The following TRMT44 variants were observed in gnomAD, a reference collection of about 807,000 sequenced individuals.
TRMT44 encodes the protein tRNA methyltransferase 44 homolog.
Under a neutral mutation model 77.3 loss-of-function variants are expected in TRMT44, and 78 were observed. The ratio of observed to expected loss-of-function variants is 1.01; its 90% confidence interval spans 0.84 to 1.22. The LOEUF (loss-of-function observed/expected upper bound fraction) is 1.22, where lower values mean the gene tolerates loss of function less well. TRMT44 is among the 50% of genes most tolerant of loss of function. The pLI is 0.00. For synonymous variants in TRMT44, 391 were observed against 383.3 expected (o/e 1.02, Z -0.23); for missense variants, 1,090 against 964.4 (o/e 1.13, Z -1.73).
intron 10 of TRMT44, among the ~76,000 whole-genome samples, chr4:8,471,453 G>C (rs1222425766): frequency 6.6e-6 from 1 of 152,232 alleles, no homozygotes; most frequent in Non-Finnish European, 1.5e-5. Context: ...CTCCCCCTAT[G>C]CTGTGCTTGC....
In TRMT44 at chr4:8,464,067, C is replaced by T. The variant is rs759164680; in HGVS notation, c.1286C>T (p.Pro429Leu). 2 of 1,613,860 alleles carry T rather than the reference C, an allele frequency of 1.2e-6. No individual in the cohort carries two copies. The highest frequency in any genetic ancestry group is 1.7e-6 in the Non-Finnish European group (2 of 1,179,874). ...GGTAACCATTCTGATGAACTCACAC[C>T]ATGGATACCTGTCATTGCAGCCAGG... ...LIGNHSDELT[P>L]WIPVIAARSS... The change falls in exon 7 of 11, where the codon CCA becomes CTA. Residue 429 changes from proline to leucine, a missense_variant. Coordinates refer to ENST00000389737, the MANE Select transcript of TRMT44 (RefSeq NM_152544.3).
Position 8,441,395 on chromosome 4 carries a change from C to T in TRMT44, c.573C>T (p.Ser191=). ...VVLRTVIPKT[S]PHCPLTTPRR... The stretch of plus-strand genomic sequence containing the variant: ...TCAGAACCGTCATCCCGAAAACTAG[C>T]CCACATTGCCCCCTTACAACTCCCA... The change falls in exon 1 of 11, where the codon AGC becomes AGT. Residue 191 remains serine, a synonymous_variant. Transcript: ENST00000389737. 6.5e-7 allele frequency: 1 copy of T among 1,528,394 alleles called. No individual in the cohort carries two copies. Among genetic ancestry groups the T allele is most frequent in the Non-Finnish European group, 8.8e-7 (1 of 1,141,044 alleles). The allele number at this position is 1,528,394 out of a possible 1,614,324, so 94.7% of individuals were successfully genotyped here.
chr4:8,492,741 C>A (rs1182502446), intron 2 of TRMT44, among the ~76,000 whole-genome samples: 5 of 152,236 alleles, frequency 3.3e-5, no homozygotes, highest in African/African-American at 9.6e-5. Context: ...TGCGTCTCTG[C>A]CTGCCTCCTT....
Position 8,440,839 on chromosome 4 carries a change from G to A in TRMT44, c.17G>A (p.Arg6His). The A allele has an allele frequency of 2.0e-6, 3 of 1,502,378 alleles. No individual in the cohort carries two copies. The highest frequency in any genetic ancestry group is 2.1e-5 in the Admixed American group (1 of 48,334). The allele number at this position is 1,502,378 out of a possible 1,614,324, so 93.1% of individuals were successfully genotyped here. A position where few individuals can be genotyped will look rare whatever the true frequency, so the allele number is the denominator to read the frequency against. MAEVGRTGISYPGALL... is the reference protein window; with the variant it reads MAEVGHTGISYPGALL... ...CTGGCTGCCATGGCTGAGGTGGGCC[G>A]TACCGGGATCAGCTACCCAGGCGCG... is the stretch of plus-strand genomic sequence containing the variant. Residue 6 changes from arginine (R) to histidine (H), a missense_variant, in exon 1 of 11, where the codon CGT becomes CAT. Transcript: ENST00000389737.
At chr4:8,460,879 T>C (rs1160684839) in intron 6 of TRMT44, among the ~76,000 whole-genome samples, 1 of 151,514 alleles carries the variant, frequency 6.6e-6, no homozygotes, top group African/African-American at 2.4e-5. Context: ...AGACAGGGTC[T>C]CAATCTGTTG....
downstream of TRMT44, among the ~76,000 whole-genome samples, chr4:8,493,982 A>G (rs1577071372): frequency 1.4e-5 from 2 of 146,500 alleles, no homozygotes; most frequent in East Asian, 3.9e-4. Context: ...CTTAGGGACC[A>G]TGATGAACAA....
At chr4:8,488,093 G>A (rs546037932) in intron 2 of TRMT44, among the ~76,000 whole-genome samples, 23 of 152,326 alleles carry the variant, frequency 1.5e-4, no homozygotes, top group African/African-American at 5.3e-4. Flanking sequence ...TTGGAGAAGA[G>A]AGTAAAAAGA....
Position 8,440,835 on chromosome 4 carries a change from G to C in TRMT44, c.13G>C (p.Gly5Arg). Residue 5 changes from glycine to arginine, a missense_variant, in exon 1 of 11, where the codon GGC (glycine) becomes CGC (arginine). By Grantham distance (125) the Gly-to-Arg change is moderately radical. Coordinates refer to ENST00000389737, the MANE Select transcript of TRMT44 (RefSeq NM_152544.3). ...CCTGCTGGCTGCCATGGCTGAGGTG[G>C]GCCGTACCGGGATCAGCTACCCAGG... MAEV[G>R]RTGISYPGAL... 1 of 1,492,284 alleles carries C rather than the reference G, an allele frequency of 6.7e-7. No individual in the cohort carries two copies. Among genetic ancestry groups the C allele is most frequent in the Non-Finnish European group, 8.9e-7 (1 of 1,125,120 alleles). 92.4% of individuals were successfully genotyped at this position (1,492,284 alleles called of 1,614,324 possible).
At chr4:8,490,761 C>T (rs1002446820) in intron 2 of TRMT44, among the ~76,000 whole-genome samples, 7 of 152,162 alleles carry the variant, frequency 4.6e-5, no homozygotes, top group African/African-American at 1.7e-4. Flanking sequence ...GAGCGGGTTG[C>T]CACTGCTGAC....
chr4:8,514,293 T>C, the TRMT44 span, among the ~76,000 whole-genome samples: 1 of 150,536 alleles, frequency 6.6e-6, no homozygotes, highest in East Asian at 2.0e-4. Flanking sequence ...CTCGTTCTTT[T>C]GCTCAGGCTG....
At chr4:8,478,786 G>A (rs908922688), downstream of TRMT44, 1 of 152,266 alleles carries the variant, frequency 6.6e-6, no homozygotes, top group South Asian at 2.1e-4. Context: ...TCAGACTAGT[G>A]CCACGCAGGC....
chr4:8,453,029 A>G (rs778919160), intron 5 of TRMT44, 40 bp downstream of exon 5: 63 of 1,306,602 alleles, frequency 4.8e-5, no homozygotes, highest in Non-Finnish European at 6.4e-5. Context: ...TAACTTGTCC[A>G]GAGTTTCCTC....
the TRMT44 span, among the ~76,000 whole-genome samples, chr4:8,499,108 G>C: frequency 1.3e-5 from 2 of 152,166 alleles, no homozygotes; most frequent in Non-Finnish European, 2.9e-5. Flanking sequence ...TGGAGATTCA[G>C]TTCCCCAGGA....
At chr4:8,491,725 G>A (rs1454896328) in intron 2 of TRMT44, among the ~76,000 whole-genome samples, 6 of 152,318 alleles carry the variant, frequency 3.9e-5, no homozygotes, top group Admixed American at 6.5e-5. Context: ...CCAAACCCAC[G>A]CCCACCCGGA....
the TRMT44 span, chr4:8,506,813 G>A: frequency 0.012 from 1,818 of 152,456 alleles, 34 homozygotes; most frequent in African/African-American, 0.038. Flanking sequence ...AACAACTCCA[G>A]CTCTGCCGTG....
chr4:8,488,145 CTGGT>C lies in TRMT44; in HGVS notation n.3892-5116_3892-5113del, dbSNP rs576955092. ...TGAAATTGGTGAGATGTTTCTTGGG[CTGGT>C]TGGTCTGAGGACCTGAGGTCATAGG... On this transcript the variant is annotated intron_variant and non_coding_transcript_variant, in intron 2 of 2. Coordinates refer to the TRMT44 transcript ENST00000511366. Among the ~76,000 whole-genome samples the C allele has an allele frequency of 2.0e-3, 304 of 152,276 alleles. 2 individuals carry two copies. Among genetic ancestry groups the C allele is most frequent in the African/African-American group, 6.8e-3 (284 of 41,552 alleles).
chr4:8,463,852 T>G, intron 6 of TRMT44, 133 bp from the exon 7 acceptor site: 1 of 711,596 alleles, frequency 1.4e-6, no homozygotes, highest in South Asian at 1.8e-5. Flanking sequence ...TCCCCGCTCT[T>G]GGTCATGCAG....
chr4:8,499,045 A>C, the TRMT44 span, among the ~76,000 whole-genome samples: 3,439 of 151,980 alleles, frequency 0.023, 73 homozygotes, highest in African/African-American at 0.054. Flanking sequence ...AGGGGCAGAT[A>C]CAGCTGCAGC....
chr4:8,454,454 A>C, intron 5 of TRMT44: 1 of 392,262 alleles, frequency 2.5e-6, no homozygotes, highest in Middle Eastern at 6.9e-4. Flanking sequence ...GCAGGCCATC[A>C]GTACAGTACT....
Sources: allele counts gnomAD v4.1 joint callset (sites outside exome capture counted in the v4.1 genomes callset), GRCh38; gene constraint gnomAD v4.1.1; transcripts MANE v1.5; gene names NCBI Gene and HGNC (gene_info 2026-07-23, HGNC 2026-07-21).